ATP9B: variants seen among roughly 807,000 people sequenced by gnomAD.
ATP9B encodes ATPase phospholipid transporting 9B, also known as probable phospholipid-transporting ATPase IIB.
ATP9B carries 110 observed loss-of-function variants against 146.1 expected under a neutral mutation model. That is an observed-to-expected ratio of 0.75 (90% CI 0.65 to 0.88). The LOEUF (loss-of-function observed/expected upper bound fraction) is 0.88, where lower values mean the gene tolerates loss of function less well. Ranked by LOEUF, ATP9B falls within the 40% of genes least tolerant of loss-of-function variation. ATP9B has a pLI of 0.00. For missense variants in ATP9B, 1,499 were observed against 1,496.4 expected, an observed-to-expected ratio of 1.00 and a Z score of -0.03; for synonymous variants, 604 against 569.7, an observed-to-expected ratio of 1.06 and a Z score of -0.86.
intron 11 of ATP9B, among the ~76,000 whole-genome samples, chr18:79,238,461 C>T (rs768024603): frequency 5.9e-5 from 9 of 152,310 alleles, no homozygotes; most frequent in Non-Finnish European, 1.2e-4. Context: ...GCTGCTGTTC[C>T]GGCCGGGCTG....
intron 5 of ATP9B, among the ~76,000 whole-genome samples, chr18:79,132,858 C>A (rs1434938055): frequency 6.6e-6 from 1 of 152,018 alleles, no homozygotes; most frequent in African/African-American, 2.4e-5. Flanking sequence ...TTACTTTTTT[C>A]TTTTGAAAAG....
At chr18:79,373,526 G>C (rs910752513) in intron 27 of ATP9B, among the ~76,000 whole-genome samples, 2 of 143,092 alleles carry the variant, frequency 1.4e-5, no homozygotes, top group African/African-American at 5.2e-5. Context: ...GTCTCGCTCT[G>C]TCACCCAGGC....
chr18:79,189,214 G>C (rs2095338410), intron 8 of ATP9B, among the ~76,000 whole-genome samples: 1 of 152,018 alleles, frequency 6.6e-6, no homozygotes, highest in Admixed American at 6.5e-5. Context: ...GGGCGTGGTG[G>C]TGTGCACCTG....
chr18:79,373,081 T>G (rs1470315361), intron 27 of ATP9B, among the ~76,000 whole-genome samples, 199 bp downstream of exon 27: 1 of 151,558 alleles, frequency 6.6e-6, no homozygotes, highest in African/African-American at 2.4e-5. Context: ...GCATGCCACC[T>G]AAAAACTGAC....
chr18:79,210,682 G>A (rs1313552434), intron 10 of ATP9B, among the ~76,000 whole-genome samples: 1 of 152,230 alleles, frequency 6.6e-6, no homozygotes, highest in Non-Finnish European at 1.5e-5. Context: ...GGTCCAGCCC[G>A]GGAGCGCCTG....
intron 15 of ATP9B, among the ~76,000 whole-genome samples, chr18:79,327,495 GTTA>G (rs2096755716): frequency 2.0e-5 from 3 of 148,522 alleles, no homozygotes; most frequent in Admixed American, 2.0e-4. Flanking sequence ...GCTCTCCGTG[GTTA>G]GTGTGCTCTC....
rs564075657 is a variant in ATP9B at position 79,317,750 on chromosome 18, G to A, written c.1773+10516G>A. Among the ~76,000 whole-genome samples, 17 of 152,316 alleles carry A rather than the reference G, an allele frequency of 1.1e-4. No homozygotes were observed. The South Asian group carries it at 2.3e-3, about 20-fold the overall frequency. ...ATGACTGCCAAAGAGCAGTAAAAGA[G>A]CATGTACCTCTCCGGGGTGGTGGAA... On this transcript the variant is annotated intron_variant, in intron 15 of 29. Transcript: ENST00000426216.
intron 2 of ATP9B, among the ~76,000 whole-genome samples, chr18:79,105,552 T>G (rs1568185143): frequency 6.6e-6 from 1 of 152,222 alleles, no homozygotes; most frequent in Middle Eastern, 3.2e-3. Flanking sequence ...TTGGACACTT[T>G]GAAAAAATTG....
At chr18:79,255,451 C>T (rs756899214) in intron 12 of ATP9B, among the ~76,000 whole-genome samples, 1 of 152,226 alleles carries the variant, frequency 6.6e-6, no homozygotes, top group Non-Finnish European at 1.5e-5. Flanking sequence ...CCCCAAGAGT[C>T]TCCTTTGTCT....
chr18:79,074,267 G>T (rs28412274), intron 1 of ATP9B, among the ~76,000 whole-genome samples: 1 of 151,992 alleles, frequency 6.6e-6, no homozygotes, highest in Non-Finnish European at 1.5e-5. Flanking sequence ...CCATGGGGAT[G>T]AAGAGGCTTC....
chr18:79,114,921 G>T (rs1280510392), intron 4 of ATP9B: 1 of 153,486 alleles, frequency 6.5e-6, no homozygotes, highest in Admixed American at 6.5e-5. Flanking sequence ...AATAATGATT[G>T]ACTTCCTCTT....
chr18:79,260,090 G>A (rs189656310), intron 12 of ATP9B, among the ~76,000 whole-genome samples: 80 of 152,296 alleles, frequency 5.3e-4, no homozygotes, highest in Non-Finnish European at 1.1e-3. Context: ...TTAGGGGCAG[G>A]TGTTAGTCCG....
intron 4 of ATP9B, chr18:79,117,883 TG>T (rs1438904383): frequency 6.6e-6 from 1 of 152,240 alleles, no homozygotes; most frequent in East Asian, 1.9e-4. Flanking sequence ...ATAGTTTTAC[TG>T]TGTTTATATT....
chr18:79,246,266 T>TGC (rs576751373), intron 11 of ATP9B, among the ~76,000 whole-genome samples: 6 of 27,936 alleles, frequency 2.1e-4, no homozygotes, highest in East Asian at 7.7e-4. Context: ...CCCTACTGAC[T>TGC]GCGGAGGGCA....
intron 23 of ATP9B, among the ~76,000 whole-genome samples, chr18:79,346,987 C>T (rs1297739048): frequency 1.3e-5 from 2 of 152,196 alleles, no homozygotes; most frequent in East Asian, 1.9e-4. Context: ...TTGCTGTTGG[C>T]GGACTGGCGT....
chr18:79,155,707 A>G (rs547346011), intron 7 of ATP9B, among the ~76,000 whole-genome samples: 159 of 148,650 alleles, frequency 1.1e-3, no homozygotes, highest in South Asian at 5.1e-3. Flanking sequence ...TAAACAACAT[A>G]CTTTTAGAAG....
At chr18:79,199,967 A>C (rs1274355271) in intron 9 of ATP9B, among the ~76,000 whole-genome samples, 1 of 152,182 alleles carries the variant, frequency 6.6e-6, no homozygotes, top group Non-Finnish European at 1.5e-5. Flanking sequence ...GCTGTTTTAC[A>C]ATTAAGTTTG....
chr18:79,310,553 C>A (rs904947789), intron 15 of ATP9B, among the ~76,000 whole-genome samples: 3 of 152,206 alleles, frequency 2.0e-5, no homozygotes, highest in Admixed American at 1.3e-4. Context: ...AATTCTACCA[C>A]TTTATGGCTC....
At chr18:79,224,010 AGACTT>A (rs2095705491) in intron 11 of ATP9B, among the ~76,000 whole-genome samples, 1 of 152,210 alleles carries the variant, frequency 6.6e-6, no homozygotes, top group Non-Finnish European at 1.5e-5. Context: ...ATCACAGAAA[AGACTT>A]AGTTAGCTTT....
Sources: allele counts gnomAD v4.1 joint callset (sites outside exome capture counted in the v4.1 genomes callset), GRCh38; gene constraint gnomAD v4.1.1; transcripts MANE v1.5; gene names NCBI Gene and HGNC (gene_info 2026-07-23, HGNC 2026-07-21).